Variants in EPHA3 observed in about 807,000 individuals in gnomAD.
EPHA3 encodes EPH receptor A3, also known as ephrin type-A receptor 3.
Under a neutral mutation model 107.1 loss-of-function variants are expected in EPHA3, and 42 were observed. The observed-to-expected ratio is 0.39, with a 90% CI of 0.31 to 0.51. EPHA3 has a LOEUF of 0.51. Among genes scored for constraint, EPHA3 ranks in the 20% least tolerant of loss-of-function variants. The probability of loss-of-function intolerance (pLI) is 0.78; values close to 1 mark genes in which losing one functional copy is unlikely to be tolerated. For missense variants in EPHA3, 1,183 were observed against 1,211.2 expected (o/e 0.98, Z 0.35); for synonymous variants, 461 against 424.8 (o/e 1.09, Z -1.05).
At chr3:89,190,454 A>G (rs1705685976) in intron 2 of EPHA3, among the ~76,000 whole-genome samples, 4 of 152,206 alleles carry the variant, frequency 2.6e-5, no homozygotes, top group Admixed American at 2.6e-4. Flanking sequence ...TTAAACATTT[A>G]AATTTTGTAT....
chr3:89,285,953 A>G (rs769537945), intron 3 of EPHA3, among the ~76,000 whole-genome samples: 8 of 152,106 alleles, frequency 5.3e-5, no homozygotes, highest in Non-Finnish European at 1.0e-4. Context: ...TGATCAGGCA[A>G]TCATGATAGA....
chr3:89,426,858 A>C (rs376309368), intron 11 of EPHA3, among the ~76,000 whole-genome samples: 24 of 151,908 alleles, frequency 1.6e-4, no homozygotes, highest in African/African-American at 5.6e-4. Context: ...TAGAAAGTAC[A>C]CATATGCAGG....
chr3:89,469,596 T>TA (rs1710361500), intron 15 of EPHA3, among the ~76,000 whole-genome samples: 1 of 152,178 alleles, frequency 6.6e-6, no homozygotes, highest in Non-Finnish European at 1.5e-5. Flanking sequence ...ACCTCTCAAT[T>TA]AAAAGACCTA....
intron 2 of EPHA3, among the ~76,000 whole-genome samples, chr3:89,194,221 G>T (rs191631960): frequency 6.6e-6 from 1 of 151,782 alleles, no homozygotes; most frequent in Admixed American, 6.6e-5. Context: ...CTAACAAAAC[G>T]ATATTTTAAT....
intron 11 of EPHA3, among the ~76,000 whole-genome samples, chr3:89,422,192 AACACACACACACAC>A (rs56370135): frequency 1.4e-4 from 20 of 140,492 alleles, no homozygotes; most frequent in African/African-American, 3.7e-4. Flanking sequence ...TGTTGTATTT[AACACACACACACAC>A]ACACACACAC....
chr3:89,445,475 C>T (rs1371566064), intron 13 of EPHA3, among the ~76,000 whole-genome samples: 2 of 151,970 alleles, frequency 1.3e-5, no homozygotes, highest in Admixed American at 6.6e-5. Context: ...ATCTGGCCAG[C>T]GAGGAAAAGA....
intron 2 of EPHA3, among the ~76,000 whole-genome samples, chr3:89,206,688 T>C (rs548425183): frequency 6.6e-6 from 1 of 152,308 alleles, no homozygotes; most frequent in East Asian, 1.9e-4. Flanking sequence ...TTCATTTTGC[T>C]TTGAATGTGA....
intron 3 of EPHA3, among the ~76,000 whole-genome samples, chr3:89,212,365 C>G (rs1218421486): frequency 1.3e-5 from 2 of 151,780 alleles, no homozygotes; most frequent in Non-Finnish European, 2.9e-5. Flanking sequence ...GGAGGATGTT[C>G]ATAAACCTCC....
At chr3:89,153,539 T>A (rs1275034556) in intron 2 of EPHA3, among the ~76,000 whole-genome samples, 1 of 152,058 alleles carries the variant, frequency 6.6e-6, no homozygotes, top group South Asian at 2.1e-4. Flanking sequence ...TGGAGTCCAC[T>A]TTGATTATTT....
intron 15 of EPHA3, among the ~76,000 whole-genome samples, chr3:89,460,823 C>CTTTTTTTTTTTTTTTTTTTT (rs753656853): frequency 1.9e-5 from 2 of 103,024 alleles, no homozygotes; most frequent in African/African-American, 7.3e-5. Flanking sequence ...CTCTGTCTCT[C>CTTTTTTTTTTTTTTTTTTTT]TTTTTTTTTT....
At chr3:89,281,116 C>G (rs1705937075) in intron 3 of EPHA3, among the ~76,000 whole-genome samples, 1 of 151,922 alleles carries the variant, frequency 6.6e-6, no homozygotes, top group Non-Finnish European at 1.5e-5. Context: ...CTCTGCCTCC[C>G]AGGTTCAAGT....
At chr3:89,475,378 G>T (rs1046196983) in intron 16 of EPHA3, among the ~76,000 whole-genome samples, 1 of 152,084 alleles carries the variant, frequency 6.6e-6, no homozygotes. Context: ...AATAGAAAAA[G>T]ATACCTTTAT....
chr3:89,340,447 A>G (rs1707493303), intron 3 of EPHA3, among the ~76,000 whole-genome samples: 1 of 152,250 alleles, frequency 6.6e-6, no homozygotes, highest in Admixed American at 6.5e-5. Flanking sequence ...TGAAGCCATG[A>G]TCTCTTCTTT....
chr3:89,391,333 C>A (rs937827131), intron 5 of EPHA3, among the ~76,000 whole-genome samples: 1 of 151,838 alleles, frequency 6.6e-6, no homozygotes, highest in Non-Finnish European at 1.5e-5. Flanking sequence ...GATGCATAAG[C>A]CACCCCTCCC....
intron 2 of EPHA3, among the ~76,000 whole-genome samples, chr3:89,148,942 A>C (rs1704630771): frequency 6.6e-6 from 1 of 152,042 alleles, no homozygotes; most frequent in African/African-American, 2.4e-5. Context: ...TATATAATAA[A>C]CTAATTGTGA....
intron 2 of EPHA3, among the ~76,000 whole-genome samples, chr3:89,182,910 A>C (rs1705478540): frequency 6.6e-6 from 1 of 151,952 alleles, no homozygotes; most frequent in Non-Finnish European, 1.5e-5. Flanking sequence ...ATTGTTACTA[A>C]AATATTTTGA....
intron 3 of EPHA3, among the ~76,000 whole-genome samples, chr3:89,242,707 G>A (rs1325070395): frequency 6.6e-6 from 1 of 152,054 alleles, no homozygotes; most frequent in African/African-American, 2.4e-5. Flanking sequence ...AAAGTGCTGG[G>A]ATTACAGGCT....
intron 3 of EPHA3, among the ~76,000 whole-genome samples, chr3:89,219,686 A>ATTTTTTTTTTTT (rs1704304456): frequency 2.6e-5 from 1 of 38,812 alleles, no homozygotes; most frequent in Non-Finnish European, 6.3e-5. Context: ...GCATTTGGCA[A>ATTTTTTTTTTTT]TGTTTTTTTT....
chr3:89,405,142 A>G (rs1315757195), intron 7 of EPHA3, among the ~76,000 whole-genome samples: 9 of 152,126 alleles, frequency 5.9e-5, no homozygotes, highest in African/African-American at 9.7e-5. Flanking sequence ...TAGGTCTGTC[A>G]TTTATAAAGG....
Sources: allele counts gnomAD v4.1 joint callset (sites outside exome capture counted in the v4.1 genomes callset), GRCh38; gene constraint gnomAD v4.1.1; transcripts MANE v1.5; gene names NCBI Gene and HGNC (gene_info 2026-07-23, HGNC 2026-07-21).